CNOT1: variants seen among roughly 807,000 people sequenced by gnomAD.
CNOT1 encodes CCR4-associated factor 1.
Under a neutral mutation model 273.8 loss-of-function variants are expected in CNOT1, and 15 were observed. The ratio of observed to expected loss-of-function variants is 0.05; its 90% CI spans 0.04 to 0.08. The LOEUF is 0.08. Among genes scored for constraint, CNOT1 ranks in the 10% least tolerant of loss-of-function variants. The probability of loss-of-function intolerance (pLI) is 1.00; values close to 1 mark genes in which losing one functional copy is unlikely to be tolerated. For synonymous variants in CNOT1, 1,022 were observed against 1,005.5 expected (o/e 1.02, Z -0.31); for missense variants, 1,644 against 2,912.2 (o/e 0.56, Z 10.02).
Position 58,587,215 on chromosome 16 carries a change from T to C in CNOT1, c.419A>G (p.Asp140Gly), listed in dbSNP as rs774523876. Residue 140 changes from aspartate (D) to glycine (G), a missense_variant, in exon 6 of 49, where the codon GAT becomes GGT. Physicochemically the swap from Asp to Gly is moderately conservative, Grantham distance 94. Around this residue, in one of 13 missense-constraint regions of CNOT1, gnomAD observed 706 missense variants for 1,021.2 expected, o/e 0.69. Transcript: ENST00000317147. ...AAGTAACTCACCGAAACCTCTAAGA[T>C]CTGAGCTGGAAGAATTCAACAGGGC... The part of the protein sequence containing the change: ...GLALLNSSSS[D>G]LRGFAAQFIK... The C allele has an allele frequency of 1.2e-6, 2 of 1,613,538 alleles. No homozygotes were observed. The highest frequency in any genetic ancestry group is 1.1e-5 in the South Asian group (1 of 90,996).
chr16:58,616,267 G>A (rs896201180), intron 1 of CNOT1, among the ~76,000 whole-genome samples: 3 of 122,788 alleles, frequency 2.4e-5, no homozygotes, highest in Admixed American at 8.1e-5. Context: ...CACCACGCCC[G>A]GCTAATTTTT....
chr16:58,577,718 G>A (rs1361969078), intron 13 of CNOT1, among the ~76,000 whole-genome samples: 4 of 151,938 alleles, frequency 2.6e-5, no homozygotes, highest in Non-Finnish European at 4.4e-5. Context: ...ATGTGCCTGT[G>A]GTCCCATCTA....
intron 1 of CNOT1, among the ~76,000 whole-genome samples, chr16:58,604,360 C>T (rs528869976): frequency 6.6e-6 from 1 of 152,254 alleles, no homozygotes; most frequent in South Asian, 2.1e-4. Flanking sequence ...GATATTCATT[C>T]ACTATAAGGG....
At position 58,599,345 on chromosome 16, in the gene CNOT1, T is replaced by C; in HGVS notation, c.-8A>G. On this transcript the variant is annotated 5_prime_UTR_variant, in exon 2 of 49. Transcript: ENST00000317147. ...GAGCGAGTCAAGATTCATTGCTGGTTGGGGCGGAAGCAGGCGGCCGAGCCC... is the reference window on the plus strand; with the variant it reads ...GAGCGAGTCAAGATTCATTGCTGGTCGGGGCGGAAGCAGGCGGCCGAGCCC... 1.9e-6 allele frequency: 3 copies of C among 1,614,172 alleles called. No individual in the cohort carries two copies. The highest frequency in any genetic ancestry group is 2.5e-6 in the Non-Finnish European group (3 of 1,180,028).
At chr16:58,545,238 C>G in intron 30 of CNOT1, 123 bp downstream of exon 30, 1 of 1,467,160 alleles carries the variant, frequency 6.8e-7, no homozygotes, top group Non-Finnish European at 9.2e-7. Context: ...TCTCCATCCT[C>G]TCTGACAAAC....
chr16:58,538,896 C>T lies in CNOT1; in HGVS notation c.5011G>A (p.Asp1671Asn). 1 of 1,609,440 alleles carries T rather than the reference C, an allele frequency of 6.2e-7. No individual in the cohort carries two copies. The highest frequency in any genetic ancestry group is 1.7e-5 in the Admixed American group (1 of 59,196). Residue 1671 changes from aspartate (D) to asparagine (N), a missense_variant, in exon 36 of 49, where the codon GAT (aspartate) becomes AAT (asparagine). Coordinates refer to ENST00000317147, the MANE Select transcript of CNOT1 (RefSeq NM_016284.5). ...LLQKAVEGLLDATSGADADLL... is the reference protein window; with the variant it reads ...LLQKAVEGLLNATSGADADLL... ...TCAGCATCAGCACCACTTGTGGCAT[C>T]TAGTAAGCCCTCTACAGCCTATGGG... is the stretch of plus-strand genomic sequence containing the variant.
chr16:58,545,615 GAT>G, intron 29 of CNOT1, 124 bp from the exon 30 acceptor site: 1 of 1,043,108 alleles, frequency 9.6e-7, no homozygotes, highest in Non-Finnish European at 1.3e-6. Flanking sequence ...AGGAGGGAAG[GAT>G]GTAGCAGGTC....
intron 1 of CNOT1, among the ~76,000 whole-genome samples, chr16:58,599,820 C>A (rs1025280481): frequency 6.6e-6 from 1 of 152,110 alleles, no homozygotes; most frequent in African/African-American, 2.4e-5. Flanking sequence ...AACCCCAGCA[C>A]TTTGCGAGGC....
intron 2 of CNOT1, among the ~76,000 whole-genome samples, chr16:58,591,270 C>A (rs2032892662): frequency 1.3e-5 from 2 of 152,148 alleles, no homozygotes; most frequent in African/African-American, 4.8e-5. Context: ...AAATAGAAGG[C>A]ACATTTCATC....
At position 58,610,908 on chromosome 16, in the gene CNOT1, G is replaced by A. The variant is rs535958820; in HGVS notation, c.-174-11397C>T. On this transcript the variant is annotated intron_variant, in intron 1 of 48. Coordinates refer to ENST00000317147, the MANE Select transcript of CNOT1 (RefSeq NM_016284.5). The stretch of plus-strand genomic sequence containing the variant: ...AAAAATCAGCCGGGCGTGGTGGCAG[G>A]CACCTGTAGCCCCAGCTACTTGGGA... 2.6e-5 allele frequency among the ~76,000 whole-genome samples: 4 copies of A among 152,010 alleles called. 2 individuals are homozygous for A. Among genetic ancestry groups the A allele is most frequent in the African/African-American group, 9.6e-5 (4 of 41,494 alleles).
At chr16:58,610,782 G>T (rs960976716) in intron 1 of CNOT1, among the ~76,000 whole-genome samples, 1 of 152,016 alleles carries the variant, frequency 6.6e-6, no homozygotes. Context: ...GGTGGAGCTT[G>T]CAGTGAGCCG....
At chr16:58,543,387 A>C in intron 31 of CNOT1, 1 of 1,532,284 alleles carries the variant, frequency 6.5e-7, no homozygotes, top group Non-Finnish European at 8.8e-7. Context: ...ACTATCTGTC[A>C]AACATCGTGT....
chr16:58,565,274 G>A (rs1347331607), intron 16 of CNOT1, among the ~76,000 whole-genome samples: 1 of 152,002 alleles, frequency 6.6e-6, no homozygotes, highest in Admixed American at 6.6e-5. Context: ...ACCATGCCCA[G>A]CTAATTTTTA....
At chr16:58,534,481 T>TA (rs1458009498) in intron 39 of CNOT1, 86 bp from the exon 40 acceptor site, 6 of 1,398,426 alleles carry the variant, frequency 4.3e-6, no homozygotes, top group Admixed American at 4.1e-5. Context: ...GCTTAAGAGA[T>TA]ATTCTCATTT....
Position 58,551,573 on chromosome 16 carries a change from A to T in CNOT1, c.3201+16T>A. 1.9e-6 allele frequency: 3 copies of T among 1,606,660 alleles called. No homozygotes were observed. The highest frequency in any genetic ancestry group is 2.6e-6 in the Non-Finnish European group (3 of 1,173,340). On this transcript the variant is annotated intron_variant, in intron 23 of 48. Coordinates refer to ENST00000317147, the MANE Select transcript of CNOT1 (RefSeq NM_016284.5). ...AATCATAAATCCTGGAAGAGAAAAAAGATAGATCTACTTACTGGCACATCT... is the reference window on the plus strand; with the variant it reads ...AATCATAAATCCTGGAAGAGAAAAATGATAGATCTACTTACTGGCACATCT...
At chr16:58,532,583 TTG>T (rs1351892006) in intron 40 of CNOT1, 188 bp from the exon 41 acceptor site, 69 of 1,020,496 alleles carry the variant, frequency 6.8e-5, no homozygotes, top group Non-Finnish European at 9.0e-5. Flanking sequence ...CTTCAGTGTT[TTG>T]TGTGTTTCTT....
intron 47 of CNOT1, among the ~76,000 whole-genome samples, chr16:58,521,652 T>C (rs1166752186): frequency 2.0e-5 from 3 of 152,284 alleles, no homozygotes; most frequent in Non-Finnish European, 4.4e-5. Flanking sequence ...AAAGTAGTAA[T>C]TTCCAGAATG....
At chr16:58,557,450 A>G (rs1259333183) in intron 18 of CNOT1, among the ~76,000 whole-genome samples, 1 of 152,184 alleles carries the variant, frequency 6.6e-6, no homozygotes, top group African/African-American at 2.4e-5. Context: ...GAAGGCCTTA[A>G]TAAGTTCAGT....
At chr16:58,607,259 C>A (rs185457897) in intron 1 of CNOT1, among the ~76,000 whole-genome samples, 34 of 152,268 alleles carry the variant, frequency 2.2e-4, no homozygotes, top group African/African-American at 8.2e-4. Context: ...TATGTCAGAG[C>A]ATGAAAGATG....
Sources: gnomAD v4.1 joint callset for allele counts (sites outside exome capture counted in the v4.1 genomes callset) on GRCh38, gnomAD v4.1.1 for gene constraint, gnomAD v4.1.1 regional missense constraint, MANE v1.5 for transcripts, NCBI Gene and HGNC (gene_info 2026-07-23, HGNC 2026-07-21) for gene names.